PROS1: variants seen among roughly 807,000 people sequenced by gnomAD.
The protein encoded by PROS1 is protein S, also known as vitamin K-dependent protein S.
Under a neutral mutation model 75.9 loss-of-function variants are expected in PROS1, and 29 were observed. The observed-to-expected ratio is 0.38, with a 90% confidence interval of 0.28 to 0.52. PROS1 has a LOEUF of 0.52. PROS1 is among the 20% of genes least tolerant of loss of function. PROS1 has a pLI of 0.83. For missense variants in PROS1, 680 were observed against 810.3 expected (o/e 0.84, Z 1.95); for synonymous variants, 245 against 280.6 (o/e 0.87, Z 1.27).
chr3:93,947,928 C>A (rs1305845459), intron 1 of PROS1, among the ~76,000 whole-genome samples: 2 of 152,126 alleles, frequency 1.3e-5, no homozygotes, highest in Admixed American at 1.3e-4. Flanking sequence ...TGCCCTTGCA[C>A]AATTTTCACA....
intron 12 of PROS1, among the ~76,000 whole-genome samples, chr3:93,884,022 CTT>C (rs1708311031): frequency 6.6e-6 from 1 of 152,114 alleles, no homozygotes; most frequent in Non-Finnish European, 1.5e-5. Flanking sequence ...ACCAACAAAA[CTT>C]AAGAAGCTCA....
At chr3:93,953,273 C>CA (rs965817992) in intron 1 of PROS1, among the ~76,000 whole-genome samples, 7 of 151,862 alleles carry the variant, frequency 4.6e-5, no homozygotes, top group African/African-American at 1.7e-4. Context: ...GACACAACAA[C>CA]AAAAAAAGAG....
At chr3:93,877,991 G>A (rs999729940) in intron 13 of PROS1, among the ~76,000 whole-genome samples, 1 of 152,108 alleles carries the variant, frequency 6.6e-6, no homozygotes, top group Non-Finnish European at 1.5e-5. Flanking sequence ...CTCATTAAAA[G>A]AGATTGTCAA....
intron 1 of PROS1, among the ~76,000 whole-genome samples, chr3:93,937,223 T>C (rs777273395): frequency 6.6e-6 from 1 of 152,138 alleles, no homozygotes; most frequent in African/African-American, 2.4e-5. Context: ...AGGGTCGTGA[T>C]TGATTTGAGC....
At position 93,886,365 on chromosome 3, in the gene PROS1, G is replaced by A. The variant is rs370129669; in HGVS notation, c.1294C>T (p.Arg432Trp). The stretch of plus-strand genomic sequence containing the variant: ...TTAATGAGTTCACTTTCCACTTTCC[G>A]AGGGAATCCTGCAAAGTATACTTTG... ...ETKVYFAGFPRKVESELIKPI... is the reference protein window; with the variant it reads ...ETKVYFAGFPWKVESELIKPI... The change falls in exon 11 of 15, where the codon CGG becomes TGG. Residue 432 changes from arginine to tryptophan, a missense_variant. Arg to Trp is a moderately radical substitution (Grantham distance 101, BLOSUM62 -3). Transcript: ENST00000394236. 4.3e-6 allele frequency: 7 copies of A among 1,613,452 alleles called. No individual in the cohort carries two copies. Among genetic ancestry groups the A allele is most frequent in the Admixed American group, 1.7e-5 (1 of 59,976 alleles).
At chr3:93,957,914 C>A (rs1284157532) in intron 1 of PROS1, among the ~76,000 whole-genome samples, 3 of 151,988 alleles carry the variant, frequency 2.0e-5, no homozygotes, top group Non-Finnish European at 1.5e-5. Flanking sequence ...CATGGTGAAA[C>A]CCTGTCTCTA....
intron 1 of PROS1, among the ~76,000 whole-genome samples, chr3:93,955,177 AAGGATCT>A (rs1462822249): frequency 1.3e-5 from 2 of 152,220 alleles, no homozygotes; most frequent in Non-Finnish European, 2.9e-5. Context: ...GCAATTCCTC[AAGGATCT>A]AGAACTAGAA....
chr3:93,893,018 C>T lies in PROS1; in HGVS notation c.1070G>A (p.Gly357Glu). 1 of 1,613,762 alleles carries T rather than the reference C, an allele frequency of 6.2e-7. No homozygotes were observed. Residue 357 changes from glycine (G) to glutamate (E), a missense_variant, in exon 10 of 15, where the codon GGA becomes GAA. Gly to Glu is a moderately conservative substitution (Grantham distance 98). Transcript: ENST00000394236. Reference protein sequence around the residue: ...SAWLLIALRGGKIEVQLKNEH... With the variant: ...SAWLLIALRGEKIEVQLKNEH... Reference sequence around the variant, plus strand: ...ATTCTTAAGCTGAACTTCAATCTTTCCACCACGAAGTGCAATCAGGAGCCA... The same window carrying T: ...ATTCTTAAGCTGAACTTCAATCTTTTCACCACGAAGTGCAATCAGGAGCCA...
At chr3:93,941,228 C>G (rs1264085480) in intron 1 of PROS1, among the ~76,000 whole-genome samples, 1 of 152,116 alleles carries the variant, frequency 6.6e-6, no homozygotes, top group East Asian at 1.9e-4. Context: ...ACTTTGTAGC[C>G]CTGCCTTTGA....
rs376366799 is a variant in PROS1, at chr3:93,905,516, G to C, written c.601+268C>G. ...GCTACTTGGGAGGCTGAAGTCAGAG[G>C]ATCAATTAAGCTCGGGAGGTCAAGG... is the stretch of plus-strand genomic sequence containing the variant. On this transcript the variant is annotated intron_variant, in intron 6 of 14. Coordinates refer to ENST00000394236, the MANE Select transcript of PROS1 (RefSeq NM_000313.4). 2.6e-5 allele frequency among the ~76,000 whole-genome samples: 4 copies of C among 152,084 alleles called. No individual in the cohort carries two copies. The East Asian group carries it at 7.7e-4, about 29-fold the overall frequency.
At chr3:93,950,945 G>A (rs1709485365) in intron 1 of PROS1, among the ~76,000 whole-genome samples, 1 of 152,136 alleles carries the variant, frequency 6.6e-6, no homozygotes, top group African/African-American at 2.4e-5. Context: ...CTTGAAAAAA[G>A]ATTAGATGAA....
intron 1 of PROS1, among the ~76,000 whole-genome samples, chr3:93,969,044 A>G (rs907840056): frequency 3.3e-5 from 5 of 151,442 alleles, no homozygotes; most frequent in African/African-American, 9.7e-5. Flanking sequence ...CATGCTTGTA[A>G]CCAAGGGAGA....
intron 1 of PROS1, among the ~76,000 whole-genome samples, chr3:93,945,813 A>G (rs1709384382): frequency 6.6e-6 from 1 of 152,198 alleles, no homozygotes; most frequent in Admixed American, 6.5e-5. Context: ...GGCCTGGGCA[A>G]TTGGGCAGGA....
At chr3:93,952,032 C>A (rs1709507176) in intron 1 of PROS1, among the ~76,000 whole-genome samples, 1 of 152,190 alleles carries the variant, frequency 6.6e-6, no homozygotes, top group South Asian at 2.1e-4. Flanking sequence ...GAAGAGCTAA[C>A]AACCCTAAAT....
At chr3:93,956,494 C>T (rs1316141487) in intron 1 of PROS1, among the ~76,000 whole-genome samples, 1 of 150,822 alleles carries the variant, frequency 6.6e-6, no homozygotes, top group Non-Finnish European at 1.5e-5. Context: ...GATTCTCTCT[C>T]TGTCTCTCTC....
At chr3:93,879,119 A>G in intron 13 of PROS1, 44 bp downstream of exon 13, 1 of 1,564,430 alleles carries the variant, frequency 6.4e-7, no homozygotes, top group Non-Finnish European at 8.7e-7. Flanking sequence ...ATTTTAAAAA[A>G]TGAAAAGAAA....
intron 1 of PROS1, among the ~76,000 whole-genome samples, chr3:93,953,963 C>G (rs1210091931): frequency 3.9e-5 from 6 of 152,116 alleles, no homozygotes; most frequent in African/African-American, 1.2e-4. Context: ...TGAGTGAACT[C>G]CCATTCACAA....
intron 6 of PROS1, among the ~76,000 whole-genome samples, chr3:93,903,205 C>T (rs966736904): frequency 4.6e-5 from 7 of 151,882 alleles, no homozygotes; most frequent in South Asian, 2.1e-4. Flanking sequence ...CTGTTTTATA[C>T]GTTATTACTT....
Position 93,898,323 on chromosome 3 carries a change from T to C in PROS1, c.849+125A>G. Reference sequence around the variant, plus strand: ...TAGTAAATAATCATGACTCATAACCTGCTTAAAGCTACAGCAATTATTGCA... The same window carrying C: ...TAGTAAATAATCATGACTCATAACCCGCTTAAAGCTACAGCAATTATTGCA... On this transcript the variant is annotated intron_variant, in intron 8 of 14. Transcript: ENST00000394236. 3.5e-6 allele frequency: 4 copies of C among 1,127,464 alleles called. No homozygotes were observed. In the South Asian group the frequency reaches 3.8e-5, roughly 11 times the overall value. The allele number at this position is 1,127,464 out of a possible 1,614,324, so 69.8% of individuals were successfully genotyped here. A position where few individuals can be genotyped will look rare whatever the true frequency, so the allele number is the denominator to read the frequency against.
Sources: gnomAD v4.1 joint callset for allele counts (sites outside exome capture counted in the v4.1 genomes callset) on GRCh38, gnomAD v4.1.1 for gene constraint, MANE v1.5 for transcripts, NCBI Gene and HGNC (gene_info 2026-07-23, HGNC 2026-07-21) for gene names.